The following TIAM1 variants were observed in gnomAD, a reference collection of about 807,000 sequenced individuals.
TIAM1 encodes the protein TIAM Rac1 associated GEF 1.
Under a neutral mutation model 163.5 loss-of-function variants are expected in TIAM1, and 65 were observed. The ratio of observed to expected loss-of-function variants is 0.40; its 90% CI spans 0.33 to 0.49. TIAM1 has a LOEUF of 0.49. Ranked by LOEUF, TIAM1 falls within the 20% of genes least tolerant of loss-of-function variation. The pLI is 0.77. For missense variants in TIAM1, 1,789 were observed against 2,044.7 expected (o/e 0.87, Z 2.41); for synonymous variants, 833 against 810.1 (o/e 1.03, Z -0.48).
intron 1 of TIAM1, among the ~76,000 whole-genome samples, chr21:31,503,778 A>G (rs8133289): frequency 0.061 from 9,137 of 150,880 alleles, 717 homozygotes; most frequent in African/African-American, 0.18. Context: ...CCCTCAGAAG[A>G]CTGGAGAGGT....
At chr21:31,503,727 T>C (rs1320296962) in intron 1 of TIAM1, among the ~76,000 whole-genome samples, 1 of 150,740 alleles carries the variant, frequency 6.6e-6, no homozygotes, top group Non-Finnish European at 1.5e-5. Flanking sequence ...GCTGACAGTG[T>C]CAGGACCCAC....
At chr21:31,437,190 T>C (rs1034996566) in intron 2 of TIAM1, among the ~76,000 whole-genome samples, 3 of 152,198 alleles carry the variant, frequency 2.0e-5, no homozygotes, top group South Asian at 4.1e-4. Context: ...TAGTTATTGA[T>C]CTAATTTATT....
intron 2 of TIAM1, among the ~76,000 whole-genome samples, chr21:31,337,673 A>AGG (rs2075887847): frequency 6.6e-6 from 1 of 151,776 alleles, no homozygotes; most frequent in African/African-American, 2.4e-5. Flanking sequence ...CTGAGATTAC[A>AGG]GGTATGTGCC....
intron 1 of TIAM1, among the ~76,000 whole-genome samples, chr21:31,502,902 C>G (rs1433315387): frequency 3.3e-5 from 5 of 152,144 alleles, no homozygotes; most frequent in African/African-American, 9.7e-5. Context: ...CCTCACATTC[C>G]AAGCTCTTAC....
intron 2 of TIAM1, among the ~76,000 whole-genome samples, chr21:31,458,270 T>A (rs1483258933): frequency 6.6e-6 from 1 of 151,822 alleles, no homozygotes; most frequent in African/African-American, 2.4e-5. Context: ...AATACAAAAA[T>A]TAGCTGGGCA....
At chr21:31,388,580 C>T (rs1285978814) in intron 2 of TIAM1, among the ~76,000 whole-genome samples, 1 of 152,082 alleles carries the variant, frequency 6.6e-6, no homozygotes, top group Non-Finnish European at 1.5e-5. Context: ...ATCATTTGAG[C>T]CTAGGACTTG....
chr21:31,418,768 G>A (rs1029438747), intron 2 of TIAM1, among the ~76,000 whole-genome samples: 2 of 152,118 alleles, frequency 1.3e-5, no homozygotes, highest in African/African-American at 2.4e-5. Flanking sequence ...GAAGAAAGTC[G>A]CCCTGAAAAT....
intron 2 of TIAM1, among the ~76,000 whole-genome samples, chr21:31,447,935 G>A (rs1162032356): frequency 6.6e-6 from 1 of 152,150 alleles, no homozygotes; most frequent in African/African-American, 2.4e-5. Context: ...GTCCAAGGCT[G>A]AAAGCAGGAG....
intron 1 of TIAM1, among the ~76,000 whole-genome samples, chr21:31,521,802 A>C (rs2047603724): frequency 6.7e-6 from 1 of 149,726 alleles, no homozygotes; most frequent in South Asian, 2.1e-4. Flanking sequence ...TAAGAACTCT[A>C]ATAATTTTTT....
rs557685231 is a variant in TIAM1 at position 31,127,465 on chromosome 21, C to T, written c.4046-313G>A. ...ATGGAGTCTCATTCTGTCATCCAGG[C>T]CGGAGTGCGGTGGTGTGATCTCAGC... On this transcript the variant is annotated intron_variant, in intron 25 of 27. Coordinates refer to ENST00000541036, the MANE Select transcript of TIAM1 (RefSeq NM_001353694.2). 1.1e-4 allele frequency among the ~76,000 whole-genome samples: 16 copies of T among 150,914 alleles called. No homozygotes were observed. The South Asian group carries it at 2.9e-3, about 28-fold the overall frequency.
At chr21:31,360,765 C>T (rs2076394043) in intron 2 of TIAM1, among the ~76,000 whole-genome samples, 1 of 152,144 alleles carries the variant, frequency 6.6e-6, no homozygotes, top group African/African-American at 2.4e-5. Flanking sequence ...AGGCAGTTCA[C>T]AAAAGAAAAT....
At chr21:31,403,016 C>T (rs937224205) in intron 2 of TIAM1, among the ~76,000 whole-genome samples, 2 of 152,154 alleles carry the variant, frequency 1.3e-5, no homozygotes, top group African/African-American at 4.8e-5. Context: ...GGGCTCACAG[C>T]ACCACGGCTA....
chr21:31,196,636 T>C (rs570680674), intron 12 of TIAM1, among the ~76,000 whole-genome samples: 46 of 152,248 alleles, frequency 3.0e-4, no homozygotes, highest in African/African-American at 8.9e-4. Flanking sequence ...GAAACACTTA[T>C]ACACTGTTGT....
intron 1 of TIAM1, among the ~76,000 whole-genome samples, chr21:31,524,619 G>A (rs2047719000): frequency 6.6e-6 from 1 of 152,150 alleles, no homozygotes; most frequent in Non-Finnish European, 1.5e-5. Flanking sequence ...AATCTAATGG[G>A]AAATCAGGAG....
At position 31,555,095 on chromosome 21, in the gene TIAM1, C is replaced by T. The variant is rs73345670; in HGVS notation, c.-422+3832G>A. ...TTTTATTTTAAAAAACACTCTGTTC[C>T]TTGCTGAGTACTGCTTTATTTCTGA... On this transcript the variant is annotated intron_variant, in intron 1 of 28. Transcript: ENST00000286827. Among the ~76,000 whole-genome samples, 571 of 151,788 alleles carry T rather than the reference C, an allele frequency of 3.8e-3. 1 individual carries two copies. The highest frequency in any genetic ancestry group is 0.013 in the African/African-American group (554 of 41,376).
At chr21:31,407,223 G>A (rs1489521777) in intron 2 of TIAM1, among the ~76,000 whole-genome samples, 1 of 152,190 alleles carries the variant, frequency 6.6e-6, no homozygotes, top group Non-Finnish European at 1.5e-5. Flanking sequence ...CTCTAAGTGT[G>A]TGAAGCCAAA....
chr21:31,354,514 A>C (rs957096260), intron 2 of TIAM1, among the ~76,000 whole-genome samples: 2 of 152,150 alleles, frequency 1.3e-5, no homozygotes, highest in African/African-American at 4.8e-5. Flanking sequence ...CTGGACTGAG[A>C]TAATTAACGG....
At position 31,265,913 on chromosome 21, in the gene TIAM1, C is replaced by G. The variant is rs2072733212; in HGVS notation, c.963+97G>C. On this transcript the variant is annotated intron_variant, in intron 4 of 27. Transcript: ENST00000541036. ...CAACTACCAGGCAAACAGGGTAAAA[C>G]CCGATTAAAAGATGGAAATCTTCTA... 2.0e-6 allele frequency: 3 copies of G among 1,508,250 alleles called. No homozygotes were observed. In the East Asian group the frequency reaches 6.8e-5, roughly 34 times the overall value. 93.4% of individuals were successfully genotyped at this position (1,508,250 alleles called of 1,614,324 possible).
chr21:31,122,341 A>G (rs942624853), intron 27 of TIAM1, among the ~76,000 whole-genome samples: 2 of 152,214 alleles, frequency 1.3e-5, no homozygotes, highest in Non-Finnish European at 2.9e-5. Flanking sequence ...TTATCTCAGC[A>G]CCAGCAAAAT....
Sources: gnomAD v4.1 joint callset for allele counts (sites outside exome capture counted in the v4.1 genomes callset) on GRCh38, gnomAD v4.1.1 for gene constraint, MANE v1.5 for transcripts, NCBI Gene and HGNC (gene_info 2026-07-23, HGNC 2026-07-21) for gene names.